Variants in SDK1 observed in about 807,000 individuals in gnomAD.
SDK1 encodes the protein protein sidekick-1.
A neutral mutation model predicts 245.5 loss-of-function variants in SDK1; 157 were observed. The ratio of observed to expected loss-of-function variants is 0.64; its 90% CI spans 0.56 to 0.73. The LOEUF is 0.73. Ranked by LOEUF, SDK1 falls within the 30% of genes least tolerant of loss-of-function variation. The probability of loss-of-function intolerance (pLI) is 0.00; values close to 1 mark genes in which losing one functional copy is unlikely to be tolerated. For missense variants in SDK1, 3,583 were observed against 3,002.3 expected (o/e 1.19, Z -4.52); for synonymous variants, 1,647 against 1,278.5 (o/e 1.29, Z -6.15).
At position 3,417,687 on chromosome 7, in the gene SDK1, C is replaced by G. The variant is rs80191462; in HGVS notation, c.298+115803C>G. ...TTTGTTGCCTTTCTAGATTTTCTAA[C>G]AGTCTTCTTTGCATTGTTACATAAA... On this transcript the variant is annotated intron_variant, in intron 1 of 44. Coordinates refer to ENST00000404826, the MANE Select transcript of SDK1 (RefSeq NM_152744.4). 5.0e-3 allele frequency among the ~76,000 whole-genome samples: 754 copies of G among 152,244 alleles called. 9 individuals carry two copies. Among genetic ancestry groups the G allele is most frequent in the African/African-American group, 0.017 (708 of 41,534 alleles).
chr7:3,911,385 C>G lies in SDK1; in HGVS notation c.848-39538C>G, dbSNP rs73674338. ...TTGTCAGCAACAGAAACTTACTGCT[C>G]ACAGTTCTGGAGGCTGTGAAGTCCA... On this transcript the variant is annotated intron_variant, in intron 5 of 44. Transcript: ENST00000404826. Among the ~76,000 whole-genome samples the G allele has an allele frequency of 5.4e-3, 825 of 152,256 alleles. 6 individuals are homozygous for G. Among genetic ancestry groups the G allele is most frequent in the African/African-American group, 0.018 (768 of 41,536 alleles).
At chr7:3,372,162 T>A (rs943917087) in intron 1 of SDK1, among the ~76,000 whole-genome samples, 1 of 152,060 alleles carries the variant, frequency 6.6e-6, no homozygotes, top group Non-Finnish European at 1.5e-5. Context: ...ACCCTTAGAT[T>A]TTAGGTTATG....
At chr7:4,043,738 A>G (rs1455513374) in intron 17 of SDK1, among the ~76,000 whole-genome samples, 4 of 152,162 alleles carry the variant, frequency 2.6e-5, no homozygotes, top group Non-Finnish European at 4.4e-5. Context: ...TTTTTGTTGC[A>G]TATGATCCTC....
At chr7:4,046,245 G>A (rs949412351) in intron 17 of SDK1, among the ~76,000 whole-genome samples, 3 of 152,180 alleles carry the variant, frequency 2.0e-5, no homozygotes, top group Admixed American at 6.5e-5. Flanking sequence ...CACAGCACCC[G>A]GCCTGGATAA....
chr7:4,034,223 G>A (rs1312917345), intron 17 of SDK1, among the ~76,000 whole-genome samples: 2 of 152,204 alleles, frequency 1.3e-5, no homozygotes, highest in Admixed American at 6.5e-5. Flanking sequence ...TGAAAGTCAA[G>A]AACTACTCCA....
In SDK1 at chr7:3,971,470, G is replaced by A; in HGVS notation, c.1719G>A (p.Arg573=). The A allele has an allele frequency of 6.2e-7, 1 of 1,610,660 alleles. No individual in the cohort carries two copies. Among genetic ancestry groups the A allele is most frequent in the South Asian group, 1.1e-5 (1 of 90,522 alleles). The part of the protein sequence containing the change: ...NASATLTVWN[R]TSIVHPPEDH... The stretch of plus-strand genomic sequence containing the variant: ...CGTGACTTGTGTTTTTTTCAGATCG[G>A]ACGTCCATCGTCCACCCTCCTGAGG... The change falls in exon 12 of 45, where the codon CGG becomes CGA. Residue 573 remains arginine, a synonymous_variant. Coordinates refer to ENST00000404826, the MANE Select transcript of SDK1 (RefSeq NM_152744.4).
chr7:3,591,851 C>G (rs1376179138), intron 1 of SDK1, among the ~76,000 whole-genome samples: 1 of 152,182 alleles, frequency 6.6e-6, no homozygotes, highest in African/African-American at 2.4e-5. Flanking sequence ...TAGTGATTCT[C>G]AAACTTTGAG....
intron 4 of SDK1, among the ~76,000 whole-genome samples, chr7:3,781,495 A>G (rs1207405601): frequency 6.6e-6 from 1 of 152,210 alleles, no homozygotes; most frequent in Non-Finnish European, 1.5e-5. Context: ...AAATGTGCAG[A>G]TAACACAAGG....
chr7:3,677,265 C>A (rs1783933635), intron 4 of SDK1, among the ~76,000 whole-genome samples: 1 of 152,060 alleles, frequency 6.6e-6, no homozygotes, highest in South Asian at 2.1e-4. Context: ...CGATAAGCAT[C>A]TTTGGCCCTG....
intron 4 of SDK1, among the ~76,000 whole-genome samples, chr7:3,655,381 C>T (rs1286704098): frequency 1.4e-5 from 2 of 145,168 alleles, no homozygotes; most frequent in East Asian, 2.0e-4. Flanking sequence ...TGCGGTGAGC[C>T]GAGATCGCAG....
At chr7:4,053,928 G>C (rs1324779339) in intron 19 of SDK1, among the ~76,000 whole-genome samples, 1 of 151,822 alleles carries the variant, frequency 6.6e-6, no homozygotes, top group Non-Finnish European at 1.5e-5. Flanking sequence ...GGTGGTGGTG[G>C]TGGTTTTTTT....
chr7:3,677,381 G>C (rs1239249945), intron 4 of SDK1, among the ~76,000 whole-genome samples: 2 of 152,196 alleles, frequency 1.3e-5, no homozygotes, highest in Non-Finnish European at 2.9e-5. Context: ...AGTTTTAATG[G>C]ACTCACAGTT....
intron 4 of SDK1, among the ~76,000 whole-genome samples, chr7:3,809,267 C>T (rs1024358679): frequency 6.6e-6 from 1 of 152,096 alleles, no homozygotes; most frequent in Non-Finnish European, 1.5e-5. Context: ...AAGTCACTAT[C>T]GTGAGGACAG....
intron 1 of SDK1, among the ~76,000 whole-genome samples, chr7:3,552,284 AC>A (rs1779443837): frequency 2.0e-5 from 3 of 151,898 alleles, no homozygotes; most frequent in Non-Finnish European, 4.4e-5. Flanking sequence ...CTTGTGATCC[AC>A]CCGCCTTGGC....
At chr7:3,824,240 C>G (rs561695766) in intron 5 of SDK1, among the ~76,000 whole-genome samples, 1 of 152,084 alleles carries the variant, frequency 6.6e-6, no homozygotes, top group Non-Finnish European at 1.5e-5. Flanking sequence ...GTTCTGCAGA[C>G]TTAGATATCT....
At chr7:3,451,929 C>T (rs781068609) in intron 1 of SDK1, among the ~76,000 whole-genome samples, 6 of 152,108 alleles carry the variant, frequency 3.9e-5, no homozygotes, top group African/African-American at 7.2e-5. Flanking sequence ...TAGCATAGCA[C>T]GCAGGCTTCT....
intron 1 of SDK1, among the ~76,000 whole-genome samples, chr7:3,389,192 C>G (rs140524489): frequency 2.0e-5 from 3 of 152,146 alleles, no homozygotes; most frequent in Admixed American, 2.0e-4. Context: ...CCAATGATGT[C>G]CAGGTTCTAA....
At chr7:4,230,150 A>C (rs1453765024) in intron 40 of SDK1, among the ~76,000 whole-genome samples, 5 of 98,768 alleles carry the variant, frequency 5.1e-5, no homozygotes, top group African/African-American at 8.1e-5. Context: ...TGGATAGATG[A>C]ATGGAAGGAA....
chr7:3,865,259 ATCC>A (rs1332229700), intron 5 of SDK1, among the ~76,000 whole-genome samples: 1 of 152,142 alleles, frequency 6.6e-6, no homozygotes, highest in Non-Finnish European at 1.5e-5. Flanking sequence ...AGGCCTGGTG[ATCC>A]TCCTGAAGAA....
Sources: allele counts gnomAD v4.1 joint callset (sites outside exome capture counted in the v4.1 genomes callset), GRCh38; gene constraint gnomAD v4.1.1; transcripts MANE v1.5; gene names NCBI Gene and HGNC (gene_info 2026-07-23, HGNC 2026-07-21).